CMC2: variants seen among roughly 807,000 people sequenced by gnomAD.
CMC2 encodes COX assembly mitochondrial protein 2 homolog.
A neutral mutation model predicts 7.5 loss-of-function variants in CMC2; 5 were observed. That is an observed-to-expected ratio of 0.66 (90% CI 0.35 to 1.40). The LOEUF is 1.40. Ranked by LOEUF, CMC2 falls within the 40% of genes most tolerant of loss-of-function variation. The pLI is 0.04. For synonymous variants in CMC2, 37 were observed against 31.4 expected (o/e 1.18, Z -0.60); for missense variants, 115 against 92.3 (o/e 1.25, Z -1.01).
rs1911959945 is a variant in CMC2 at position 80,971,944 on chromosome 16, C to G, written c.*4149G>C. 6.6e-6 allele frequency: 1 copy of G among 152,194 alleles called. No homozygotes were observed. The highest frequency in any genetic ancestry group is 1.5e-5 in the Non-Finnish European group (1 of 68,044). 9.4% of individuals were successfully genotyped at this position (152,194 alleles called of 1,614,324 possible). On this transcript the variant is annotated 3_prime_UTR_variant, in exon 4 of 4. Coordinates refer to ENST00000219400, the MANE Select transcript of CMC2 (RefSeq NM_020188.5). The stretch of plus-strand genomic sequence containing the variant: ...GGTATACACTCAGCCAGTTTCTTTT[C>G]TCTAAGTGAGAGAAACTCAGCCACC...
rs1911583785 is a variant in CMC2, at chr16:80,966,794, T to G, written c.*9299A>C. On this transcript the variant is annotated 3_prime_UTR_variant, in exon 4 of 4. Coordinates refer to ENST00000219400, the MANE Select transcript of CMC2 (RefSeq NM_020188.5). ...GTTTTCAAGTTTTAGGAATTTCTTC[T>G]TTTCTTTATATAATCACCATATAGT... is the stretch of plus-strand genomic sequence containing the variant. The G allele has an allele frequency of 6.6e-6, 1 of 152,194 alleles. No homozygotes were observed. The highest frequency in any genetic ancestry group is 1.5e-5 in the Non-Finnish European group (1 of 68,040). 9.4% of individuals were successfully genotyped at this position (152,194 alleles called of 1,614,324 possible).
At chr16:80,992,715 T>TG (rs1453558108) in intron 2 of CMC2, among the ~76,000 whole-genome samples, 13 of 77,844 alleles carry the variant, frequency 1.7e-4, no homozygotes, top group South Asian at 7.1e-4. Flanking sequence ...CTTTTTTTTT[T>TG]TTTTTTTGTG....
chr16:80,988,838 C>G (rs531759949), intron 2 of CMC2, among the ~76,000 whole-genome samples: 1 of 150,680 alleles, frequency 6.6e-6, no homozygotes, highest in Non-Finnish European at 1.5e-5. Flanking sequence ...CAATATTTTT[C>G]TTATCTTTAA....
Position 80,975,961 on chromosome 16 carries a change from C to A in CMC2, c.*132G>T, listed in dbSNP as rs919896162. On this transcript the variant is annotated 3_prime_UTR_variant, in exon 4 of 4. Coordinates refer to ENST00000219400, the MANE Select transcript of CMC2 (RefSeq NM_020188.5). ...CAGAATCCAGGGTTTTCATATTTCT[C>A]CATGGTTCAATCTCTCACAGGTCAC... 3.1e-6 allele frequency: 2 copies of A among 642,730 alleles called. No individual in the cohort carries two copies. The highest frequency in any genetic ancestry group is 1.8e-5 in the African/African-American group (1 of 54,098). 39.8% of individuals were successfully genotyped at this position (642,730 alleles called of 1,614,324 possible).
intron 2 of CMC2, among the ~76,000 whole-genome samples, chr16:80,991,235 C>T (rs929868782): frequency 2.0e-5 from 3 of 152,132 alleles, no homozygotes; most frequent in African/African-American, 4.8e-5. Flanking sequence ...GTAGATACTC[C>T]ACCACCTTGG....
At position 80,997,138 on chromosome 16, in the gene CMC2, G is replaced by A. The variant is rs1163142842; in HGVS notation, c.81+176C>T. ...CTGATTTTTACTAATCATAAAAGGA[G>A]GTAGTTTGTGTAAAAAAAAGAAAAA... On this transcript the variant is annotated intron_variant, in intron 2 of 3. Transcript: ENST00000219400. The A allele has an allele frequency of 3.1e-5, 19 of 604,062 alleles. No individual in the cohort carries two copies. In the South Asian group the frequency reaches 3.7e-4, roughly 12 times the overall value. The allele number at this position is 604,062 out of a possible 1,614,324, so 37.4% of individuals were successfully genotyped here.
chr16:80,995,520 G>A (rs1318631247), intron 2 of CMC2, among the ~76,000 whole-genome samples: 1 of 151,994 alleles, frequency 6.6e-6, no homozygotes, highest in African/African-American at 2.4e-5. Context: ...AGCCAGGCCT[G>A]GTGGCGCACG....
chr16:80,984,733 T>C (rs908526545), intron 2 of CMC2, among the ~76,000 whole-genome samples: 19 of 152,214 alleles, frequency 1.2e-4, no homozygotes, highest in African/African-American at 4.1e-4. Flanking sequence ...CAATATTACA[T>C]AGTTGACATT....
intron 3 of CMC2, among the ~76,000 whole-genome samples, chr16:80,978,049 G>A (rs1912641359): frequency 6.8e-6 from 1 of 146,584 alleles, no homozygotes; most frequent in South Asian, 2.1e-4. Flanking sequence ...TCCAGCCTGG[G>A]TGACAAGAGT....
chr16:81,000,522 T>G (rs186216800), intron 1 of CMC2, among the ~76,000 whole-genome samples: 1 of 150,918 alleles, frequency 6.6e-6, no homozygotes, highest in East Asian at 2.0e-4. Flanking sequence ...TAAACAAATT[T>G]TAAAAAAAAG....
At chr16:80,987,255 C>G (rs1300245807) in intron 2 of CMC2, among the ~76,000 whole-genome samples, 2 of 151,920 alleles carry the variant, frequency 1.3e-5, no homozygotes, top group Non-Finnish European at 2.9e-5. Context: ...TTTATTTTCT[C>G]ACGATGGAAA....
At chr16:80,978,649 C>G (rs190119599) in intron 3 of CMC2, among the ~76,000 whole-genome samples, 1 of 151,842 alleles carries the variant, frequency 6.6e-6, no homozygotes, top group African/African-American at 2.4e-5. Flanking sequence ...TGGGAGAACT[C>G]CTTGAGCCCA....
chr16:80,988,886 T>A (rs866042565), intron 2 of CMC2, among the ~76,000 whole-genome samples: 4 of 152,290 alleles, frequency 2.6e-5, no homozygotes, highest in African/African-American at 7.2e-5. Flanking sequence ...TTTCTTTCAT[T>A]ACCTTAACAT....
At chr16:81,004,780 A>C (rs1235770660) in intron 1 of CMC2, among the ~76,000 whole-genome samples, 2 of 152,208 alleles carry the variant, frequency 1.3e-5, no homozygotes, top group Admixed American at 1.3e-4. Context: ...TCTGAGGTAC[A>C]ATTTTCCTCA....
chr16:80,985,376 T>C (rs1288115655), intron 2 of CMC2, among the ~76,000 whole-genome samples: 2 of 152,204 alleles, frequency 1.3e-5, no homozygotes, highest in Non-Finnish European at 2.9e-5. Context: ...AGAATTCAGG[T>C]ATATTTTATT....
intron 2 of CMC2, among the ~76,000 whole-genome samples, chr16:80,994,186 C>T (rs374700453): frequency 1.1e-4 from 17 of 152,150 alleles, no homozygotes; most frequent in African/African-American, 3.9e-4. Flanking sequence ...ATACTATACA[C>T]AAAAATTAAC....
At chr16:80,987,409 C>A (rs1251938658) in intron 2 of CMC2, among the ~76,000 whole-genome samples, 1 of 152,126 alleles carries the variant, frequency 6.6e-6, no homozygotes, top group Non-Finnish European at 1.5e-5. Flanking sequence ...TTTATACTTT[C>A]CTACTTTTTT....
chr16:80,992,979 A>C (rs995461893), intron 2 of CMC2, among the ~76,000 whole-genome samples: 1 of 152,008 alleles, frequency 6.6e-6, no homozygotes, highest in African/African-American at 2.4e-5. Context: ...CAGGGTCCTT[A>C]CTTAGGCACA....
In CMC2 at chr16:80,975,930, A is replaced by T. The variant is rs1038351067; in HGVS notation, c.*163T>A. The T allele has an allele frequency of 6.7e-6, 4 of 596,254 alleles. No homozygotes were observed. In the African/African-American group the frequency reaches 7.5e-5, roughly 11 times the overall value. 36.9% of individuals were successfully genotyped at this position (596,254 alleles called of 1,614,324 possible). On this transcript the variant is annotated 3_prime_UTR_variant, in exon 4 of 4. Transcript: ENST00000219400. Reference sequence around the variant, plus strand: ...ACAGTACTAAACGCCCTGCCCAACAAATACTCAGAATCCAGGGTTTTCATA... The same window carrying T: ...ACAGTACTAAACGCCCTGCCCAACATATACTCAGAATCCAGGGTTTTCATA...
Sources: allele counts gnomAD v4.1 joint callset (sites outside exome capture counted in the v4.1 genomes callset), GRCh38; gene constraint gnomAD v4.1.1; transcripts MANE v1.5; gene names NCBI Gene and HGNC (gene_info 2026-07-23, HGNC 2026-07-21).